The following PTPN1 variants were observed in gnomAD, a reference collection of about 807,000 sequenced individuals.
The protein encoded by PTPN1 is protein tyrosine phosphatase non-receptor type 1.
Under a neutral mutation model 59.9 loss-of-function variants are expected in PTPN1, and 12 were observed. The observed-to-expected ratio is 0.20, with a 90% CI of 0.13 to 0.32. The LOEUF (loss-of-function observed/expected upper bound fraction) is 0.32. Among genes scored for constraint, PTPN1 ranks in the 10% least tolerant of loss-of-function variants. The pLI, the probability that PTPN1 is intolerant of heterozygous loss-of-function variation, is 1.00. For missense variants in PTPN1, 356 were observed against 549.2 expected (o/e 0.65, Z 3.52); for synonymous variants, 178 against 203.6 (o/e 0.87, Z 1.07).
intron 5 of PTPN1, among the ~76,000 whole-genome samples, 200 bp from the exon 6 acceptor site, chr20:50,578,220 T>C (rs1025022907): frequency 6.6e-6 from 1 of 152,184 alleles, no homozygotes; most frequent in African/African-American, 2.4e-5. Flanking sequence ...AGGCGCACCC[T>C]GCAGGTTCAG....
intron 1 of PTPN1, among the ~76,000 whole-genome samples, chr20:50,512,891 T>C (rs2082513446): frequency 6.6e-6 from 1 of 152,230 alleles, no homozygotes; most frequent in East Asian, 1.9e-4. Flanking sequence ...ATTAATACTT[T>C]ATAGCATGTT....
intron 1 of PTPN1, among the ~76,000 whole-genome samples, chr20:50,538,822 C>T (rs2082635339): frequency 1.3e-5 from 2 of 152,136 alleles, no homozygotes; most frequent in African/African-American, 4.8e-5. Context: ...TCCCTTCTTT[C>T]ACCCTCCTCC....
chr20:50,550,808 T>C (rs1165311593), intron 1 of PTPN1, among the ~76,000 whole-genome samples: 1 of 152,260 alleles, frequency 6.6e-6, no homozygotes, highest in Non-Finnish European at 1.5e-5. Flanking sequence ...CTGCCTCTAC[T>C]TCTTCACTTA....
At chr20:50,549,937 G>C (rs2082694827) in intron 1 of PTPN1, among the ~76,000 whole-genome samples, 1 of 151,948 alleles carries the variant, frequency 6.6e-6, no homozygotes, top group Non-Finnish European at 1.5e-5. Context: ...CTGATGATTT[G>C]TATATTCCTC....
intron 1 of PTPN1, among the ~76,000 whole-genome samples, chr20:50,512,457 T>C (rs542650722): frequency 6.6e-6 from 1 of 152,374 alleles, no homozygotes; most frequent in South Asian, 2.1e-4. Context: ...AAAATTGTAT[T>C]CAGCATGCAA....
intron 1 of PTPN1, among the ~76,000 whole-genome samples, chr20:50,547,428 A>G (rs1487490261): frequency 6.6e-6 from 1 of 151,676 alleles, no homozygotes; most frequent in African/African-American, 2.4e-5. Context: ...CAATGGTATG[A>G]TCTCGGCTCA....
At chr20:50,525,544 C>T (rs1342689054) in intron 1 of PTPN1, among the ~76,000 whole-genome samples, 2 of 152,018 alleles carry the variant, frequency 1.3e-5, no homozygotes, top group Non-Finnish European at 2.9e-5. Flanking sequence ...ATTGTGAAAA[C>T]ATCTCCCCTT....
Position 50,510,441 on chromosome 20 carries a change from G to T in PTPN1, c.-87G>T. 7.0e-7 allele frequency: 1 copy of T among 1,428,762 alleles called. No individual in the cohort carries two copies. Among genetic ancestry groups the T allele is most frequent in the South Asian group, 1.3e-5 (1 of 79,072 alleles). The allele number at this position is 1,428,762 out of a possible 1,614,324, so 88.5% of individuals were successfully genotyped here. ...CTGCAGGGGTCGGGGATTGCAGCGG[G>T]CCTCGGGGCTAAGAGCGCGACGCGG... On this transcript the variant is annotated 5_prime_UTR_variant, in exon 1 of 10. Transcript: ENST00000371621.
chr20:50,552,688 A>ATT (rs35970690), intron 1 of PTPN1, among the ~76,000 whole-genome samples: 1 of 145,180 alleles, frequency 6.9e-6, no homozygotes. Context: ...GAAAAAAAAA[A>ATT]TTTTTTTTTT....
At chr20:50,554,380 A>ATTCTGTCTCTCTCTC (rs11481722) in intron 1 of PTPN1, among the ~76,000 whole-genome samples, 1 of 140,200 alleles carries the variant, frequency 7.1e-6, no homozygotes, top group Non-Finnish European at 1.5e-5. Flanking sequence ...GCAAGACCAC[A>ATTCTGTCTCTCTCTC]TCTCTCTCTC....
rs780282056 is a variant in PTPN1 at position 50,510,503 on chromosome 20, GGC to G, written c.-22_-21del. ...AGACGGCGCAGTGGGCCGAGAAGGA[GGC>G]GCAGCAGCCGCCCTGGCCCGTCATG... On this transcript the variant is annotated 5_prime_UTR_variant, in exon 1 of 10. Coordinates refer to ENST00000371621, the MANE Select transcript of PTPN1 (RefSeq NM_002827.4). 2 of 1,548,176 alleles carry G rather than the reference GGC, an allele frequency of 1.3e-6. No individual in the cohort carries two copies. Among genetic ancestry groups the G allele is most frequent in the African/African-American group, 2.7e-5 (2 of 72,786 alleles).
intron 1 of PTPN1, among the ~76,000 whole-genome samples, chr20:50,526,395 A>G (rs2122730649): frequency 6.6e-6 from 1 of 152,016 alleles, no homozygotes. Context: ...TGTATTTTAA[A>G]TGGGCCTGTT....
chr20:50,579,607 C>A, intron 7 of PTPN1, 96 bp from the exon 8 acceptor site: 1 of 1,135,714 alleles, frequency 8.8e-7, no homozygotes, highest in Non-Finnish European at 1.3e-6. Flanking sequence ...GCCGAGAGCC[C>A]CTCGCCAAGC....
In PTPN1 at chr20:50,582,150, C is replaced by T. The variant is rs1255759595; in HGVS notation, c.1285-542C>T. 6.6e-6 allele frequency among the ~76,000 whole-genome samples: 1 copy of T among 152,256 alleles called. No homozygotes were observed. Among genetic ancestry groups the T allele is most frequent in the African/African-American group, 2.4e-5 (1 of 41,474 alleles). ...GTGTCCCCGCTGGGTTTCCATTGTCCTTTCTCCATTGCTCCCTCCTGTGAC... is the reference window on the plus strand; with the variant it reads ...GTGTCCCCGCTGGGTTTCCATTGTCTTTTCTCCATTGCTCCCTCCTGTGAC... On this transcript the variant is annotated intron_variant, in intron 9 of 9. Transcript: ENST00000371621. The surrounding 1 kb of genome is among the most constrained non-coding windows in gnomAD (Gnocchi z 4.2).
At chr20:50,524,823 C>T (rs1345869958) in intron 1 of PTPN1, among the ~76,000 whole-genome samples, 1 of 152,002 alleles carries the variant, frequency 6.6e-6, no homozygotes, top group Non-Finnish European at 1.5e-5. Flanking sequence ...GATCCACTCA[C>T]TTCAGCCTCC....
intron 1 of PTPN1, among the ~76,000 whole-genome samples, chr20:50,558,152 T>A (rs777908665): frequency 1.1e-4 from 16 of 152,098 alleles, no homozygotes; most frequent in South Asian, 2.1e-4. Flanking sequence ...CCTTTTTTTT[T>A]AATTTGCATA....
At chr20:50,543,855 T>C (rs535139448) in intron 1 of PTPN1, among the ~76,000 whole-genome samples, 7 of 152,292 alleles carry the variant, frequency 4.6e-5, no homozygotes, top group African/African-American at 1.4e-4. Context: ...TTTTAAACTT[T>C]TTTTTTTTGA....
In PTPN1 at chr20:50,574,417, C is replaced by T. The variant is rs957597440; in HGVS notation, c.355-100C>T. ...CTTCCATGTTCAGAAACCCCCAGGC[C>T]TTTGAGTTATCATGAAGCTTGTGGG... On this transcript the variant is annotated intron_variant, in intron 4 of 9. Coordinates refer to ENST00000371621, the MANE Select transcript of PTPN1 (RefSeq NM_002827.4). 2.9e-5 allele frequency: 36 copies of T among 1,252,742 alleles called. No individual in the cohort carries two copies. In the South Asian group the frequency reaches 5.5e-4, roughly 19 times the overall value. 77.6% of individuals were successfully genotyped at this position (1,252,742 alleles called of 1,614,324 possible).
chr20:50,575,690 G>A (rs1309209830), intron 5 of PTPN1, among the ~76,000 whole-genome samples: 1 of 152,190 alleles, frequency 6.6e-6, no homozygotes, highest in Non-Finnish European at 1.5e-5. Context: ...TGGGGAGGCT[G>A]AGGCCAGGAG....
Sources: allele counts gnomAD v4.1 joint callset (sites outside exome capture counted in the v4.1 genomes callset), GRCh38; gene constraint gnomAD v4.1.1; non-coding constraint Gnocchi (gnomAD v3.1); transcripts MANE v1.5; gene names NCBI Gene and HGNC (gene_info 2026-07-23, HGNC 2026-07-21).